Variants in CHL1 observed in about 807,000 individuals in gnomAD.
CHL1 encodes the protein neural cell adhesion molecule L1-like protein.
Under a neutral mutation model 141.9 loss-of-function variants are expected in CHL1, and 96 were observed. That is an observed-to-expected ratio of 0.68 (90% CI 0.57 to 0.80). CHL1 has a LOEUF of 0.80. CHL1 is among the 30% of genes least tolerant of loss of function. The pLI is 0.00. For missense variants in CHL1, 1,820 were observed against 1,457.2 expected, an observed-to-expected ratio of 1.25 and a Z score of -4.05; for synonymous variants, 613 against 502.2, an observed-to-expected ratio of 1.22 and a Z score of -2.95.
At chr3:306,094 C>T (rs1699204243) in intron 2 of CHL1, among the ~76,000 whole-genome samples, 1 of 152,040 alleles carries the variant, frequency 6.6e-6, no homozygotes. Flanking sequence ...ATTTCTTATT[C>T]ATGGAAAACG....
chr3:304,029 A>G (rs1474571138), intron 2 of CHL1, among the ~76,000 whole-genome samples: 2 of 152,156 alleles, frequency 1.3e-5, no homozygotes, highest in East Asian at 3.8e-4. Context: ...GATTGCATGT[A>G]TTGATTTGCA....
intron 2 of CHL1, among the ~76,000 whole-genome samples, chr3:317,847 T>C (rs1700265657): frequency 6.6e-6 from 1 of 151,908 alleles, no homozygotes; most frequent in Admixed American, 6.6e-5. Context: ...TTTATTTCAT[T>C]GATTAGGATA....
intron 1 of CHL1, among the ~76,000 whole-genome samples, chr3:216,104 A>G (rs1471479749): frequency 1.3e-5 from 2 of 152,172 alleles, no homozygotes; most frequent in Non-Finnish European, 2.9e-5. Context: ...GCAAAAATGT[A>G]AACAAAAATT....
intron 19 of CHL1, among the ~76,000 whole-genome samples, chr3:386,059 G>C (rs1707672539): frequency 6.6e-6 from 1 of 151,974 alleles, no homozygotes; most frequent in Admixed American, 6.6e-5. Flanking sequence ...GTATGGTTCT[G>C]TATGGATCAT....
chr3:253,439 A>T (rs1693888138), intron 2 of CHL1, among the ~76,000 whole-genome samples: 1 of 152,176 alleles, frequency 6.6e-6, no homozygotes, highest in Non-Finnish European at 1.5e-5. Context: ...AAAGTCTCAG[A>T]GGTGTTTGGG....
chr3:246,708 T>G (rs1281846820), intron 2 of CHL1: 2 of 152,148 alleles, frequency 1.3e-5, no homozygotes, highest in Non-Finnish European at 2.9e-5. Flanking sequence ...AACACCCAAA[T>G]TTATCTGAAC....
At chr3:379,845 T>C (rs1274929653) in intron 16 of CHL1, among the ~76,000 whole-genome samples, 1 of 152,096 alleles carries the variant, frequency 6.6e-6, no homozygotes, top group South Asian at 2.1e-4. Flanking sequence ...TACCAAAGCA[T>C]CTCTCGACAA....
At chr3:277,069 A>C (rs12330298) in intron 2 of CHL1, among the ~76,000 whole-genome samples, 1,850 of 152,214 alleles carry the variant, frequency 0.012, 51 homozygotes, top group African/African-American at 0.043. Context: ...TATTATTATT[A>C]AGATTAAATG....
chr3:239,392 T>C (rs1261316938), intron 1 of CHL1, among the ~76,000 whole-genome samples: 1 of 152,118 alleles, frequency 6.6e-6, no homozygotes, highest in Non-Finnish European at 1.5e-5. Context: ...ACTTGCTCCG[T>C]TTTCAGTCTG....
intron 10 of CHL1, among the ~76,000 whole-genome samples, chr3:352,974 G>A (rs932777179): frequency 2.6e-5 from 4 of 152,176 alleles, no homozygotes; most frequent in Non-Finnish European, 4.4e-5. Flanking sequence ...TAGTTGCTGT[G>A]TATTTATCTG....
intron 1 of CHL1, among the ~76,000 whole-genome samples, chr3:235,762 A>G (rs893666087): frequency 7.2e-5 from 11 of 152,144 alleles, no homozygotes; most frequent in Non-Finnish European, 1.3e-4. Context: ...TATCTATTTG[A>G]CTTATTCTTA....
At chr3:383,745 C>A (rs1707338880) in intron 18 of CHL1, 71 bp from the exon 19 acceptor site, 5 of 951,352 alleles carry the variant, frequency 5.3e-6, no homozygotes, top group Middle Eastern at 3.3e-4. Context: ...TTTTGGGGGG[C>A]AGGAGTTGTG....
chr3:283,727 A>C (rs425366), intron 2 of CHL1, among the ~76,000 whole-genome samples: 84,070 of 151,970 alleles, frequency 0.55, 25,841 homozygotes, highest in African/African-American at 0.83. Flanking sequence ...GGATGTTTAG[A>C]ACCATCATCC....
chr3:223,389 A>G (rs1483919480), intron 1 of CHL1, among the ~76,000 whole-genome samples: 1 of 152,206 alleles, frequency 6.6e-6, no homozygotes, highest in Non-Finnish European at 1.5e-5. Flanking sequence ...TGTGAGGACT[A>G]TACCATCTTT....
At chr3:316,009 C>T (rs1213582349) in intron 2 of CHL1, among the ~76,000 whole-genome samples, 1 of 151,926 alleles carries the variant, frequency 6.6e-6, no homozygotes, top group Admixed American at 6.6e-5. Context: ...TATGCAGGGC[C>T]CACAGATTGG....
At chr3:314,052 C>T (rs761405132) in intron 2 of CHL1, among the ~76,000 whole-genome samples, 48 of 151,972 alleles carry the variant, frequency 3.2e-4, no homozygotes, top group Non-Finnish European at 3.1e-4. Flanking sequence ...GAGGTGCAGA[C>T]AGTATGGTAG....
At chr3:231,717 C>T (rs1238975392) in intron 1 of CHL1, among the ~76,000 whole-genome samples, 2 of 151,532 alleles carry the variant, frequency 1.3e-5, no homozygotes, top group African/African-American at 4.8e-5. Context: ...GCTGGGATTA[C>T]AGGTGCCTGC....
intron 2 of CHL1, among the ~76,000 whole-genome samples, chr3:303,662 A>G (rs563798217): frequency 1.3e-5 from 2 of 152,284 alleles, no homozygotes; most frequent in Admixed American, 6.5e-5. Flanking sequence ...TAATTATACA[A>G]TCATGTCAAC....
At chr3:333,365 A>G (rs1376895608) in intron 5 of CHL1, among the ~76,000 whole-genome samples, 1 of 151,934 alleles carries the variant, frequency 6.6e-6, no homozygotes, top group African/African-American at 2.4e-5. Context: ...GGTTCTTCTC[A>G]AAGATTGATA....
Sources: gnomAD v4.1 joint callset for allele counts (sites outside exome capture counted in the v4.1 genomes callset) on GRCh38, gnomAD v4.1.1 for gene constraint, MANE v1.5 for transcripts, NCBI Gene and HGNC (gene_info 2026-07-23, HGNC 2026-07-21) for gene names.